MINDY3: variants seen among roughly 807,000 people sequenced by gnomAD.
MINDY3 encodes MINDY lysine 48 deubiquitinase 3.
Under a neutral mutation model 69.2 loss-of-function variants are expected in MINDY3, and 38 were observed. The ratio of observed to expected loss-of-function variants is 0.55; its 90% CI spans 0.42 to 0.72. The LOEUF (loss-of-function observed/expected upper bound fraction) is 0.72. MINDY3 is among the 30% of genes least tolerant of loss of function. MINDY3 has a pLI of 0.00. For missense variants in MINDY3, 522 were observed against 519.0 expected (o/e 1.01, Z -0.06); for synonymous variants, 192 against 180.1 (o/e 1.07, Z -0.53).
chr10:15,854,073 T>C (rs546401265), intron 1 of MINDY3, among the ~76,000 whole-genome samples: 48 of 152,260 alleles, frequency 3.2e-4, no homozygotes, highest in African/African-American at 1.2e-3. Flanking sequence ...ATCACTGATG[T>C]ATACTGTTAT....
chr10:15,788,696 A>G (rs2131847668), intron 12 of MINDY3: 1 of 152,448 alleles, frequency 6.6e-6, no homozygotes, highest in Non-Finnish European at 1.5e-5. Flanking sequence ...GTAACAATGC[A>G]TAAAACATAA....
Position 15,833,598 on chromosome 10 carries a change from A to G in MINDY3, c.730+32T>C, listed in dbSNP as rs747029395. 2.2e-6 allele frequency: 3 copies of G among 1,338,968 alleles called. No homozygotes were observed. In the African/African-American group the frequency reaches 4.3e-5, roughly 19 times the overall value. 82.9% of individuals were successfully genotyped at this position (1,338,968 alleles called of 1,614,324 possible). ...GTATTCCAATGAAATATTATTCATC[A>G]AAGAGAGCAACATAACAAGGAATAT... is the stretch of plus-strand genomic sequence containing the variant. On this transcript the variant is annotated intron_variant, in intron 8 of 14. Transcript: ENST00000277632.
At chr10:15,834,926 A>G (rs1345600559) in intron 6 of MINDY3, among the ~76,000 whole-genome samples, 1 of 152,054 alleles carries the variant, frequency 6.6e-6, no homozygotes, top group African/African-American at 2.4e-5. Context: ...TAATAGTTAA[A>G]TGAATTATTT....
chr10:15,850,683 G>A (rs111580233), intron 1 of MINDY3, among the ~76,000 whole-genome samples: 9 of 152,058 alleles, frequency 5.9e-5, no homozygotes, highest in South Asian at 4.2e-4. Flanking sequence ...TGACAATGCC[G>A]GCCCAGTACA....
In MINDY3 at chr10:15,822,427, G is replaced by A. The variant is rs926209166; in HGVS notation, c.731-701C>T. The stretch of plus-strand genomic sequence containing the variant: ...ATAACAGGGAGTTGAATCTTGAAGC[G>A]TATTACAGTTCTCCAGGCCAAAAAG... On this transcript the variant is annotated intron_variant, in intron 8 of 14. Coordinates refer to ENST00000277632, the MANE Select transcript of MINDY3 (RefSeq NM_024948.4). Among the ~76,000 whole-genome samples the A allele has an allele frequency of 5.3e-5, 8 of 152,218 alleles. No individual in the cohort carries two copies. In the East Asian group the frequency reaches 5.8e-4, roughly 11 times the overall value.
At chr10:15,829,534 T>C (rs1481646087) in intron 8 of MINDY3, among the ~76,000 whole-genome samples, 1 of 152,128 alleles carries the variant, frequency 6.6e-6, no homozygotes, top group Non-Finnish European at 1.5e-5. Flanking sequence ...ATTATAAACA[T>C]AGGGTTGAGT....
chr10:15,842,273 T>C (rs1369537891), intron 3 of MINDY3, among the ~76,000 whole-genome samples: 3 of 151,938 alleles, frequency 2.0e-5, no homozygotes, highest in Non-Finnish European at 2.9e-5. Flanking sequence ...AGGAGGTTTC[T>C]GTCTCTCCTA....
chr10:15,848,761 G>C (rs1051528248), intron 1 of MINDY3, among the ~76,000 whole-genome samples: 1 of 151,560 alleles, frequency 6.6e-6, no homozygotes, highest in African/African-American at 2.4e-5. Flanking sequence ...ATAGCAGCTA[G>C]CGGAAGTTCT....
chr10:15,810,216 C>T (rs975343792), intron 10 of MINDY3, among the ~76,000 whole-genome samples: 2 of 151,990 alleles, frequency 1.3e-5, no homozygotes, highest in African/African-American at 4.8e-5. Flanking sequence ...AATCATGAAC[C>T]TATACTAGTG....
At chr10:15,816,260 CAAAAA>C (rs1164005904) in intron 10 of MINDY3, among the ~76,000 whole-genome samples, 1 of 26,822 alleles carries the variant, frequency 3.7e-5, no homozygotes, top group Non-Finnish European at 8.2e-5. Context: ...GACTCCATCT[CAAAAA>C]AAAAAAAAAA....
Position 15,814,068 on chromosome 10 carries a change from A to T in MINDY3, c.882+2767T>A, listed in dbSNP as rs980569542. ...AGAAATGTTAAAGAAGGAATGGCCG[A>T]ATAATGATTCTTGTTATAATTTTAA... On this transcript the variant is annotated intron_variant, in intron 10 of 14. Transcript: ENST00000277632. 3.2e-4 allele frequency among the ~76,000 whole-genome samples: 48 copies of T among 152,102 alleles called. 1 individual carries two copies. Among genetic ancestry groups the T allele is most frequent in the Admixed American group, 1.3e-4 (2 of 15,270 alleles).
At chr10:15,823,156 T>G (rs1041559693) in intron 8 of MINDY3, among the ~76,000 whole-genome samples, 6 of 152,188 alleles carry the variant, frequency 3.9e-5, no homozygotes, top group Admixed American at 6.5e-5. Flanking sequence ...ACAGTTTAAC[T>G]TTCTGGATTG....
intron 9 of MINDY3, among the ~76,000 whole-genome samples, chr10:15,819,401 G>A (rs955604115): frequency 1.3e-5 from 2 of 152,214 alleles, no homozygotes; most frequent in African/African-American, 2.4e-5. Flanking sequence ...CTAGAGGCCA[G>A]TCATTCCCTT....
intron 10 of MINDY3, among the ~76,000 whole-genome samples, chr10:15,811,346 T>C (rs1042533864): frequency 6.6e-6 from 1 of 152,164 alleles, no homozygotes; most frequent in African/African-American, 2.4e-5. Flanking sequence ...GTTCATCCTG[T>C]ATATAAATAT....
intron 11 of MINDY3, among the ~76,000 whole-genome samples, chr10:15,794,179 T>C (rs1837634192): frequency 6.6e-6 from 1 of 152,090 alleles, no homozygotes; most frequent in African/African-American, 2.4e-5. Context: ...TGACACAGGA[T>C]AACTGTCCCT....
At chr10:15,783,456 AT>A (rs903466898) in intron 13 of MINDY3, among the ~76,000 whole-genome samples, 2 of 151,376 alleles carry the variant, frequency 1.3e-5, no homozygotes, top group Non-Finnish European at 1.5e-5. Context: ...CACATTCATG[AT>A]TTTTTTTTAC....
intron 2 of MINDY3, among the ~76,000 whole-genome samples, chr10:15,845,588 C>A (rs7091401): frequency 0.12 from 17,838 of 151,920 alleles, 2,369 homozygotes; most frequent in African/African-American, 0.33. Flanking sequence ...CAGCCCTGAA[C>A]TCCTGAGCTC....
At chr10:15,835,076 T>A (rs192013511) in intron 6 of MINDY3, among the ~76,000 whole-genome samples, 1 of 152,212 alleles carries the variant, frequency 6.6e-6, no homozygotes, top group Admixed American at 6.5e-5. Context: ...ATTTAACTGG[T>A]ACATAAAATG....
At chr10:15,828,460 A>G (rs1442952446) in intron 8 of MINDY3, among the ~76,000 whole-genome samples, 1 of 152,152 alleles carries the variant, frequency 6.6e-6, no homozygotes, top group Non-Finnish European at 1.5e-5. Flanking sequence ...AAGATGACAA[A>G]ATTTTTTAAA....
Sources: allele counts gnomAD v4.1 joint callset (sites outside exome capture counted in the v4.1 genomes callset), GRCh38; gene constraint gnomAD v4.1.1; transcripts MANE v1.5; gene names NCBI Gene and HGNC (gene_info 2026-07-23, HGNC 2026-07-21).